Variants in ANXA3 observed in about 807,000 individuals in gnomAD.
The protein encoded by ANXA3 is 35-alpha calcimedin.
A neutral mutation model predicts 48.8 loss-of-function variants in ANXA3; 46 were observed. That is an observed-to-expected ratio of 0.94 (90% CI 0.74 to 1.21). The LOEUF (loss-of-function observed/expected upper bound fraction) is 1.21, where lower values mean the gene tolerates loss of function less well. Among genes scored for constraint, ANXA3 ranks in the 50% most tolerant of loss-of-function variants. ANXA3 has a pLI of 0.00. For synonymous variants in ANXA3, 128 were observed against 134.7 expected (o/e 0.95, Z 0.35); for missense variants, 383 against 378.6 (o/e 1.01, Z -0.10).
At chr4:78,591,140 G>A (rs898567670) in intron 6 of ANXA3, among the ~76,000 whole-genome samples, 3 of 152,214 alleles carry the variant, frequency 2.0e-5, no homozygotes, top group Admixed American at 6.5e-5. Context: ...GGAAAGCTGA[G>A]AAAGTAGTTT....
At chr4:78,608,592 T>G (rs1723698188) in intron 12 of ANXA3, among the ~76,000 whole-genome samples, 1 of 152,046 alleles carries the variant, frequency 6.6e-6, no homozygotes, top group Non-Finnish European at 1.5e-5. Context: ...ATTTAGGAGT[T>G]GAAACTTAAG....
At chr4:78,604,539 A>G (rs1435321090) in intron 12 of ANXA3, 140 bp downstream of exon 12, 4 of 650,964 alleles carry the variant, frequency 6.1e-6, no homozygotes, top group Non-Finnish European at 9.3e-6. Context: ...GTCTGAGCTT[A>G]AAATAGTAGC....
chr4:78,600,684 C>G (rs1424669755), intron 10 of ANXA3, among the ~76,000 whole-genome samples: 1 of 152,158 alleles, frequency 6.6e-6, no homozygotes, highest in Non-Finnish European at 1.5e-5. Context: ...GAGAAAGTCA[C>G]TTATTCTTGT....
intron 1 of ANXA3, chr4:78,553,804 T>G (rs566746728): frequency 6.6e-6 from 1 of 152,242 alleles, no homozygotes; most frequent in South Asian, 2.1e-4. Flanking sequence ...CATTTCTAAA[T>G]CAACCCTGGA....
intron 4 of ANXA3, among the ~76,000 whole-genome samples, chr4:78,580,135 TATG>T (rs1723042899): frequency 6.6e-6 from 1 of 152,138 alleles, no homozygotes; most frequent in South Asian, 2.1e-4. Context: ...ATAATTCAGA[TATG>T]ATAAGTGATA....
chr4:78,582,635 A>T lies in ANXA3; in HGVS notation c.312+345A>T, dbSNP rs534594758. On this transcript the variant is annotated intron_variant, in intron 5 of 12. Coordinates refer to ENST00000264908, the MANE Select transcript of ANXA3 (RefSeq NM_005139.3). Reference sequence around the variant, plus strand: ...TTTCTCTTACCCTTCCAAGCTCCCAAATCTATCAGCAAGTTCCTTAGTTTT... The same window carrying T: ...TTTCTCTTACCCTTCCAAGCTCCCATATCTATCAGCAAGTTCCTTAGTTTT... Among the ~76,000 whole-genome samples, 3 of 152,250 alleles carry T rather than the reference A, an allele frequency of 2.0e-5. No individual in the cohort carries two copies. In the East Asian group the frequency reaches 5.8e-4, roughly 29 times the overall value.
At chr4:78,580,586 G>C (rs28552884) in intron 4 of ANXA3, among the ~76,000 whole-genome samples, 5,842 of 152,142 alleles carry the variant, frequency 0.038, 390 homozygotes, top group African/African-American at 0.13. Context: ...ATGAACTGTG[G>C]GGGGAAAAGG....
At chr4:78,601,079 C>T (rs1723524347) in intron 10 of ANXA3, among the ~76,000 whole-genome samples, 1 of 152,002 alleles carries the variant, frequency 6.6e-6, no homozygotes, top group African/African-American at 2.4e-5. Flanking sequence ...ACTCCAGTGC[C>T]CCTGCGTGCC....
At chr4:78,564,118 G>A (rs1038642467) in intron 2 of ANXA3, among the ~76,000 whole-genome samples, 9 of 152,188 alleles carry the variant, frequency 5.9e-5, no homozygotes, top group Non-Finnish European at 1.0e-4. Context: ...TTCTGAGAAA[G>A]ATGTTCATGT....
chr4:78,553,349 A>T (rs7666975), intron 1 of ANXA3, among the ~76,000 whole-genome samples: 92,811 of 150,996 alleles, frequency 0.61, 28,513 homozygotes, highest in Non-Finnish European at 0.64. Context: ...TTTTTTTTTT[A>T]AATATCTACC....
chr4:78,554,395 T>G, intron 1 of ANXA3, 41 bp from the exon 2 acceptor site: 1 of 1,311,470 alleles, frequency 7.6e-7, no homozygotes, highest in Non-Finnish European at 1.1e-6. Context: ...GTGTTCTGAA[T>G]CACATATTGA....
intron 9 of ANXA3, 31 bp from the exon 10 acceptor site, chr4:78,597,288 C>T: frequency 1.4e-6 from 2 of 1,425,684 alleles, no homozygotes; most frequent in Non-Finnish European, 2.0e-6. Flanking sequence ...AACTGCGTTG[C>T]TTTAAATAAT....
At chr4:78,553,115 G>A (rs915645634) in intron 1 of ANXA3, among the ~76,000 whole-genome samples, 2 of 152,178 alleles carry the variant, frequency 1.3e-5, no homozygotes, top group Non-Finnish European at 2.9e-5. Flanking sequence ...ATTTGGTCAG[G>A]TGTGGGCCAG....
intron 1 of ANXA3, 147 bp from the exon 2 acceptor site, chr4:78,554,289 C>G (rs1378837501): frequency 4.8e-6 from 3 of 627,634 alleles, no homozygotes; most frequent in African/African-American, 3.7e-5. Context: ...AAATGGGATA[C>G]CCAATGTCAG....
intron 4 of ANXA3, among the ~76,000 whole-genome samples, chr4:78,580,430 A>G (rs954292887): frequency 2.6e-5 from 4 of 152,232 alleles, no homozygotes; most frequent in Non-Finnish European, 4.4e-5. Flanking sequence ...GAGGCTGGAG[A>G]CAGGTTGAGA....
chr4:78,575,448 T>C (rs1030257091), intron 3 of ANXA3, among the ~76,000 whole-genome samples: 46 of 152,322 alleles, frequency 3.0e-4, no homozygotes, highest in African/African-American at 1.1e-3. Flanking sequence ...TTTCCCGTGC[T>C]GTTCTCATGA....
intron 2 of ANXA3, among the ~76,000 whole-genome samples, chr4:78,563,385 T>C (rs1343903788): frequency 6.6e-6 from 1 of 151,988 alleles, no homozygotes; most frequent in African/African-American, 2.4e-5. Context: ...TCTGTGTCGT[T>C]CCCCCTCCCC....
chr4:78,557,251 A>T (rs1603462), intron 2 of ANXA3, among the ~76,000 whole-genome samples: 122,585 of 152,038 alleles, frequency 0.81, 49,501 homozygotes, highest in East Asian at 0.88. Flanking sequence ...ATCAAATCTT[A>T]CTTATGCTTG....
At chr4:78,573,895 G>A (rs1028649364) in intron 3 of ANXA3, among the ~76,000 whole-genome samples, 8 of 152,122 alleles carry the variant, frequency 5.3e-5, no homozygotes, top group Admixed American at 2.0e-4. Context: ...CAAATCCAGC[G>A]CCATGTTGGG....
Sources: allele counts gnomAD v4.1 joint callset (sites outside exome capture counted in the v4.1 genomes callset), GRCh38; gene constraint gnomAD v4.1.1; transcripts MANE v1.5; gene names NCBI Gene and HGNC (gene_info 2026-07-23, HGNC 2026-07-21).